MSN: variants seen among roughly 807,000 people sequenced by gnomAD.
The protein encoded by MSN is epididymis luminal protein 70.
MSN carries 2 observed loss-of-function variants against 48.0 expected under a neutral mutation model. The ratio of observed to expected loss-of-function variants is 0.04; its 90% CI spans 0.02 to 0.13. The LOEUF is 0.13. Ranked by LOEUF, MSN falls within the 10% of genes least tolerant of loss-of-function variation. The pLI is 1.00. For missense variants in MSN, 267 were observed against 470.1 expected, an observed-to-expected ratio of 0.57 and a Z score of 3.99; for synonymous variants, 146 against 166.9, an observed-to-expected ratio of 0.87 and a Z score of 0.97.
At chrX:65,735,613 G>A (rs750781245) in intron 8 of MSN, among the ~76,000 whole-genome samples, 183 bp downstream of exon 8, 1 of 112,390 alleles carries the variant, frequency 8.9e-6, no homozygotes, top group African/African-American at 3.2e-5. Flanking sequence ...TTACAGAGCT[G>A]GATCTAGCAG....
intron 1 of MSN, among the ~76,000 whole-genome samples, chrX:65,657,397 C>A (rs1203844676): frequency 9.1e-6 from 1 of 110,211 alleles, no homozygotes; most frequent in Non-Finnish European, 1.9e-5. Flanking sequence ...AGGCTGTTTT[C>A]TCTCTGGGCA....
chrX:65,616,545 T>C (rs1411494183), intron 1 of MSN, among the ~76,000 whole-genome samples: 2 of 65,600 alleles, frequency 3.0e-5, no homozygotes, highest in African/African-American at 1.2e-4. Flanking sequence ...GTGATTTTTG[T>C]ACATTGATTT....
At chrX:65,670,055 T>C (rs971525853) in intron 1 of MSN, among the ~76,000 whole-genome samples, 4 of 111,452 alleles carry the variant, frequency 3.6e-5, no homozygotes, top group African/African-American at 9.8e-5. Context: ...GGTCCTCAGA[T>C]AAAAGGAAAT....
intron 1 of MSN, among the ~76,000 whole-genome samples, chrX:65,610,308 T>G (rs1315851734): frequency 8.9e-6 from 1 of 112,422 alleles, no homozygotes; most frequent in Non-Finnish European, 1.9e-5. Flanking sequence ...ACTTTCTGTC[T>G]GTATGAATTT....
upstream of MSN, among the ~76,000 whole-genome samples, chrX:65,662,898 T>G (rs1163519321): frequency 8.9e-6 from 1 of 112,131 alleles, no homozygotes; most frequent in Non-Finnish European, 1.9e-5. Context: ...TGACAAGGGC[T>G]TAACATCTAG....
chrX:65,602,528 C>A (rs1306817732), intron 1 of MSN, among the ~76,000 whole-genome samples: 1 of 110,883 alleles, frequency 9.0e-6, no homozygotes, highest in Non-Finnish European at 1.9e-5. Flanking sequence ...CAGCTCCACT[C>A]TCCAGCTCCA....
intron 1 of MSN, among the ~76,000 whole-genome samples, chrX:65,628,255 C>G (rs942953957): frequency 1.8e-5 from 2 of 113,063 alleles, no homozygotes; most frequent in South Asian, 3.6e-4. Context: ...CAGAAGTTCT[C>G]TATGAGGGCT....
At chrX:65,727,773 G>A in intron 2 of MSN, 41 bp from the exon 3 acceptor site, 1 of 1,076,008 alleles carries the variant, frequency 9.3e-7, no homozygotes, top group South Asian at 1.9e-5. Flanking sequence ...CACAGAGGAA[G>A]TATTCAATCA....
Position 65,696,892 on chromosome X carries a change from G to C in MSN, c.13-19926G>C, listed in dbSNP as rs768657613. On this transcript the variant is annotated intron_variant, in intron 1 of 12. Transcript: ENST00000360270. ...CCATGTGGTCTCTTATCTTATCCTTGCCACCAAGAGACTCTTCCAAAACAA... is the reference window on the plus strand; with the variant it reads ...CCATGTGGTCTCTTATCTTATCCTTCCCACCAAGAGACTCTTCCAAAACAA... 3.6e-5 allele frequency among the ~76,000 whole-genome samples: 4 copies of C among 110,448 alleles called. No homozygotes were observed. In the South Asian group the frequency reaches 1.6e-3, roughly 44 times the overall value.
chrX:65,704,120 C>T (rs768859100), intron 1 of MSN, among the ~76,000 whole-genome samples: 15 of 111,506 alleles, frequency 1.3e-4, no homozygotes, highest in Non-Finnish European at 2.3e-4. Context: ...CAAAAATGGT[C>T]AGTTTCCAGT....
At chrX:65,722,897 C>T (rs1257338022) in intron 2 of MSN, among the ~76,000 whole-genome samples, 1 of 111,374 alleles carries the variant, frequency 9.0e-6, no homozygotes, top group Non-Finnish European at 1.9e-5. Flanking sequence ...CCTAAGCTGA[C>T]CTGATCTCCG....
intron 1 of MSN, among the ~76,000 whole-genome samples, chrX:65,611,880 C>CT (rs1339006154): frequency 8.9e-6 from 1 of 112,069 alleles, no homozygotes; most frequent in African/African-American, 3.2e-5. Flanking sequence ...ATACTCCACT[C>CT]TTTTTGGGTT....
intron 10 of MSN, 63 bp downstream of exon 10, chrX:65,737,401 C>T: frequency 8.9e-7 from 1 of 1,120,082 alleles, no homozygotes; most frequent in Non-Finnish European, 1.2e-6. Flanking sequence ...TGCCTACTTA[C>T]TTATAGCTAC....
intron 1 of MSN, among the ~76,000 whole-genome samples, chrX:65,615,776 T>C (rs2070365352): frequency 9.0e-6 from 1 of 111,467 alleles, no homozygotes; most frequent in South Asian, 3.8e-4. Flanking sequence ...ATGAAGTCCA[T>C]GCCCATGCCT....
chrX:65,687,123 G>T, intron 1 of MSN, among the ~76,000 whole-genome samples: 1 of 111,835 alleles, frequency 8.9e-6, no homozygotes, highest in Non-Finnish European at 1.9e-5. Flanking sequence ...GAGGCGGGTG[G>T]ATCACGAGGT....
chrX:65,667,987 G>A, intron 1 of MSN, 134 bp downstream of exon 1: 2 of 722,974 alleles, frequency 2.8e-6, no homozygotes, highest in Non-Finnish European at 4.1e-6. Context: ...CCAAGGGTAG[G>A]GAGGGGACCG....
intron 1 of MSN, among the ~76,000 whole-genome samples, chrX:65,626,093 T>C (rs1437786817): frequency 9.1e-6 from 1 of 109,830 alleles, no homozygotes; most frequent in Non-Finnish European, 1.9e-5. Context: ...TAGCTGGGAC[T>C]ACAGGCATCC....
At chrX:65,656,752 G>A (rs1245119781) in intron 1 of MSN, among the ~76,000 whole-genome samples, 3 of 111,570 alleles carry the variant, frequency 2.7e-5, no homozygotes, top group Non-Finnish European at 5.7e-5. Context: ...GAAAGACCAA[G>A]GGAGGGCTTT....
At chrX:65,674,801 C>A (rs2070980348) in intron 1 of MSN, among the ~76,000 whole-genome samples, 1 of 111,762 alleles carries the variant, frequency 8.9e-6, no homozygotes, top group Non-Finnish European at 1.9e-5. Flanking sequence ...AAAGACCTTT[C>A]AAGCCTCCGT....
Sources: allele counts gnomAD v4.1 joint callset (sites outside exome capture counted in the v4.1 genomes callset), GRCh38; gene constraint gnomAD v4.1.1; transcripts MANE v1.5; gene names NCBI Gene and HGNC (gene_info 2026-07-23, HGNC 2026-07-21).